Variants in PRKCD observed in about 807,000 individuals in gnomAD.
PRKCD encodes the protein protein kinase C delta type.
A neutral mutation model predicts 82.2 loss-of-function variants in PRKCD; 20 were observed. The observed-to-expected ratio is 0.24, with a 90% confidence interval of 0.17 to 0.35. The LOEUF (loss-of-function observed/expected upper bound fraction) is 0.35, where lower values mean the gene tolerates loss of function less well. Ranked by LOEUF, PRKCD falls within the 10% of genes least tolerant of loss-of-function variation. PRKCD has a pLI of 1.00. For synonymous variants in PRKCD, 317 were observed against 337.0 expected, an observed-to-expected ratio of 0.94 and a Z score of 0.65; for missense variants, 607 against 899.0, an observed-to-expected ratio of 0.68 and a Z score of 4.15.
chr3:53,175,902 G>A (rs1226079676), intron 2 of PRKCD, among the ~76,000 whole-genome samples: 1 of 152,220 alleles, frequency 6.6e-6, no homozygotes, highest in Non-Finnish European at 1.5e-5. Flanking sequence ...TTGCTTACGG[G>A]TTTGGGATGC....
At chr3:53,182,207 C>T (rs1703471710) in intron 7 of PRKCD, among the ~76,000 whole-genome samples, 1 of 152,206 alleles carries the variant, frequency 6.6e-6, no homozygotes, top group Admixed American at 6.5e-5. Context: ...AGCTCTACCA[C>T]TTCCTAGCTA....
chr3:53,188,824 C>G lies in PRKCD; in HGVS notation c.1520C>G (p.Thr507Ser). The G allele has an allele frequency of 6.2e-7, 1 of 1,614,194 alleles. No individual in the cohort carries two copies. The highest frequency in any genetic ancestry group is 8.5e-7 in the Non-Finnish European group (1 of 1,180,046). The change falls in exon 16 of 19, where the codon ACC (threonine) becomes AGC (serine). Residue 507 changes from threonine to serine, a missense_variant. Physicochemically the swap from Thr to Ser is moderately conservative, Grantham distance 58 (BLOSUM62 1). Transcript: ENST00000330452. ...ENIFGESRAS[T>S]FCGTPDYIAP... is the part of the protein sequence containing the mutation. ...ATATTCGGGGAGAGCCGGGCCAGCACCTTCTGCGGCACCCCTGACTATATC... is the reference window on the plus strand; with the variant it reads ...ATATTCGGGGAGAGCCGGGCCAGCAGCTTCTGCGGCACCCCTGACTATATC...
At chr3:53,168,404 A>C (rs1388584917) in intron 2 of PRKCD, among the ~76,000 whole-genome samples, 1 of 152,044 alleles carries the variant, frequency 6.6e-6, no homozygotes, top group African/African-American at 2.4e-5. Context: ...AGTGGTAAGG[A>C]CAGTGATGCA....
chr3:53,190,670 T>G (rs1703895226), intron 18 of PRKCD, among the ~76,000 whole-genome samples: 1 of 152,180 alleles, frequency 6.6e-6, no homozygotes, highest in Admixed American at 6.5e-5. Flanking sequence ...ACTAAGAAAT[T>G]TGGGGCTGTG....
intron 3 of PRKCD, among the ~76,000 whole-genome samples, chr3:53,178,801 T>G (rs1703316038): frequency 6.6e-6 from 1 of 152,208 alleles, no homozygotes; most frequent in Non-Finnish European, 1.5e-5. Context: ...TTTTTACATG[T>G]CCATTTGTGC....
chr3:53,188,678 A>G, intron 15 of PRKCD, 42 bp from the exon 16 acceptor site: 1 of 1,609,908 alleles, frequency 6.2e-7, no homozygotes. Flanking sequence ...TGGAAGGAGA[A>G]GAAATGTCCC....
At chr3:53,186,131 G>A (rs376607405) in intron 12 of PRKCD, 36 bp from the exon 13 acceptor site, 20 of 1,609,510 alleles carry the variant, frequency 1.2e-5, no homozygotes, top group African/African-American at 2.7e-5. Context: ...CCCCTGCCCC[G>A]TCCTCACCTG....
intron 18 of PRKCD, among the ~76,000 whole-genome samples, chr3:53,190,801 T>C (rs1703899214): frequency 6.6e-6 from 1 of 152,292 alleles, no homozygotes; most frequent in South Asian, 2.1e-4. Flanking sequence ...CATTTGTGCT[T>C]TGAGGCTACA....
chr3:53,163,133 C>A (rs782197236), intron 1 of PRKCD, among the ~76,000 whole-genome samples: 2 of 151,498 alleles, frequency 1.3e-5, no homozygotes, highest in Non-Finnish European at 2.9e-5. Context: ...GGCAGCTGTA[C>A]CTGGCTGATG....
chr3:53,186,883 T>A (rs1703717604), intron 14 of PRKCD, among the ~76,000 whole-genome samples, 188 bp downstream of exon 14: 1 of 152,130 alleles, frequency 6.6e-6, no homozygotes, highest in African/African-American at 2.4e-5. Context: ...GGGTGGCAAG[T>A]GAACTGCGGC....
chr3:53,161,870 C>G (rs1190274917), intron 1 of PRKCD, among the ~76,000 whole-genome samples: 1 of 132,458 alleles, frequency 7.5e-6, no homozygotes, highest in African/African-American at 2.9e-5. Context: ...ACCCACACCC[C>G]TACCCCCGCC....
chr3:53,178,558 C>A (rs2306571), intron 3 of PRKCD, 21 bp downstream of exon 3: 14 of 1,598,358 alleles, frequency 8.8e-6, no homozygotes, highest in East Asian at 2.2e-5. Flanking sequence ...AGGCTGGACC[C>A]TGGAGAGGGG....
At chr3:53,170,399 G>A (rs1702977791) in intron 2 of PRKCD, among the ~76,000 whole-genome samples, 1 of 152,224 alleles carries the variant, frequency 6.6e-6, no homozygotes, top group African/African-American at 2.4e-5. Flanking sequence ...CTCCTGGGGT[G>A]CCCGGCTTGC....
At chr3:53,170,422 A>G (rs528159397) in intron 2 of PRKCD, among the ~76,000 whole-genome samples, 1 of 152,126 alleles carries the variant, frequency 6.6e-6, no homozygotes, top group Non-Finnish European at 1.5e-5. Flanking sequence ...CCCTACCAAC[A>G]TAGGTTCAAG....
chr3:53,168,805 C>T (rs1702917579), intron 2 of PRKCD, among the ~76,000 whole-genome samples: 1 of 137,992 alleles, frequency 7.2e-6, no homozygotes, highest in South Asian at 2.4e-4. Context: ...CAGCGCCTGC[C>T]CGAGAGGTCA....
At chr3:53,179,907 C>T (rs140964124) in intron 4 of PRKCD, 131 bp downstream of exon 4, 4 of 1,146,558 alleles carry the variant, frequency 3.5e-6, no homozygotes, top group Non-Finnish European at 4.9e-6. Flanking sequence ...GGGCCCTGTG[C>T]TGGCCACCAG....
chr3:53,186,136 C>T (rs1415039671), intron 12 of PRKCD, 31 bp from the exon 13 acceptor site: 2 of 1,610,916 alleles, frequency 1.2e-6, no homozygotes, highest in African/African-American at 1.3e-5. Context: ...GCCCCGTCCT[C>T]ACCTGCTCAG....
intron 2 of PRKCD, among the ~76,000 whole-genome samples, chr3:53,173,361 C>T (rs530116016): frequency 1.2e-4 from 18 of 152,320 alleles, no homozygotes; most frequent in African/African-American, 4.3e-4. Flanking sequence ...GGTGACCTGC[C>T]TTCTCTGGCC....
At chr3:53,170,081 C>T (rs1702966882) in intron 2 of PRKCD, among the ~76,000 whole-genome samples, 1 of 152,224 alleles carries the variant, frequency 6.6e-6, no homozygotes, top group Non-Finnish European at 1.5e-5. Context: ...AGGTGGCCAT[C>T]TTGCCTTCTC....
Sources: allele counts gnomAD v4.1 joint callset (sites outside exome capture counted in the v4.1 genomes callset), GRCh38; gene constraint gnomAD v4.1.1; transcripts MANE v1.5; gene names NCBI Gene and HGNC (gene_info 2026-07-23, HGNC 2026-07-21).